NEU4: variants seen among roughly 807,000 people sequenced by gnomAD.
NEU4 encodes sialidase-4.
Under a neutral mutation model 9.9 loss-of-function variants are expected in NEU4, and 7 were observed. That is an observed-to-expected ratio of 0.71 (90% CI 0.40 to 1.33). NEU4 has a LOEUF of 1.33. Among genes scored for constraint, NEU4 ranks in the 40% most tolerant of loss-of-function variants. The probability of loss-of-function intolerance (pLI) is 0.01; values close to 1 mark genes in which losing one functional copy is unlikely to be tolerated. For synonymous variants in NEU4, 348 were observed against 316.9 expected (o/e 1.10, Z -1.04); for missense variants, 717 against 712.6 (o/e 1.01, Z -0.07).
At position 241,811,656 on chromosome 2, in the gene NEU4, G is replaced by T. The variant is rs910768054; in HGVS notation, c.-4+2382G>T. 14 of 421,118 alleles carry T rather than the reference G, an allele frequency of 3.3e-5. 1 individual carries two copies. Among genetic ancestry groups the T allele is most frequent in the Non-Finnish European group, 4.5e-5 (11 of 242,312 alleles). The allele number at this position is 421,118 out of a possible 1,614,324, so 26.1% of individuals were successfully genotyped here. ...GGGGCGGGCTGCAGGGATTCCGAGG[G>T]CCCCTCCAGCAAGAGGTCCCACATG... On this transcript the variant is annotated intron_variant, in intron 1 of 3. Transcript: ENST00000407683.
rs1159566474 is a variant in NEU4, at chr2:241,817,253, A to G, written c.*205A>G. The G allele has an allele frequency of 2.0e-5, 5 of 246,462 alleles. No homozygotes were observed. Among genetic ancestry groups the G allele is most frequent in the Non-Finnish European group, 3.9e-5 (5 of 129,256 alleles). 15.3% of individuals were successfully genotyped at this position (246,462 alleles called of 1,614,324 possible). A position where few individuals can be genotyped will look rare whatever the true frequency, so the allele number is the denominator to read the frequency against. On this transcript the variant is annotated 3_prime_UTR_variant, in exon 4 of 4. Coordinates refer to ENST00000407683, the MANE Select transcript of NEU4 (RefSeq NM_001167600.3). ...GGAGTGAGCAGGGCAGGGTGGGGGC[A>G]GGGTGGGGGCACGAAGTGGGCCCTG...
chr2:241,814,545 A>G lies in NEU4; in HGVS notation c.61A>G (p.Thr21Ala). The G allele has an allele frequency of 6.2e-7, 1 of 1,612,578 alleles. No individual in the cohort carries two copies. Among genetic ancestry groups the G allele is most frequent in the Non-Finnish European group, 8.5e-7 (1 of 1,179,898 alleles). Residue 21 changes from threonine (T) to alanine (A), a missense_variant, in exon 2 of 4, where the codon ACC (threonine) becomes GCC (alanine). Transcript: ENST00000407683. ...CTTCGAGCGGGAGAGGACGGGCCTG[A>G]CCTACCGCGTGCCCTCGCTGCTCCC... ...VLFERERTGL[T>A]YRVPSLLPVP...
At chr2:241,815,240 C>A in intron 3 of NEU4, 93 bp downstream of exon 3, 1 of 1,406,062 alleles carries the variant, frequency 7.1e-7, no homozygotes, top group Non-Finnish European at 9.4e-7. Context: ...TCTGCCCCAC[C>A]CCTGTCTCCA....
intron 1 of NEU4, chr2:241,812,090 TGCGTGG>T (rs1700135087): frequency 6.8e-6 from 1 of 146,362 alleles, no homozygotes; most frequent in Non-Finnish European, 1.5e-5. Flanking sequence ...CCAGAGGGTG[TGCGTGG>T]ACCCCAGAGG....
At chr2:241,812,604 C>G (rs1251936724) in intron 1 of NEU4, among the ~76,000 whole-genome samples, 201 of 104,284 alleles carry the variant, frequency 1.9e-3, no homozygotes, top group African/African-American at 6.4e-3. Context: ...ACAGAGGGAC[C>G]TCCTGAGGAC....
chr2:241,816,318 G>A lies in NEU4; in HGVS notation c.725G>A (p.Arg242Gln), dbSNP rs758387179. The change falls in exon 4 of 4, where the codon CGG becomes CAG. Residue 242 changes from arginine to glutamine, a missense_variant. Transcript: ENST00000407683. The stretch of plus-strand genomic sequence containing the variant: ...GGCAGCTTCCTCTACTGCAATGCCC[G>A]GAGCCCACTGGGCAGCCGTGTGCAG... ...QAGSFLYCNA[R>Q]SPLGSRVQAL... is the part of the protein sequence containing the mutation. 10 of 1,576,796 alleles carry A rather than the reference G, an allele frequency of 6.3e-6. No individual in the cohort carries two copies. Among genetic ancestry groups the A allele is most frequent in the Non-Finnish European group, 7.7e-6 (9 of 1,163,444 alleles).
rs2125219603 is a variant in NEU4, at chr2:241,816,649, G to C, written c.1056G>C (p.Gly352=). The part of the protein sequence containing the change: ...DGPRQPGPRP[G]VSGDVGSWTL... ...CCAGGCAGCCTGGCCCCAGGCCTGGGGTCAGTGGGGATGTGGGGTCCTGGA... is the reference window on the plus strand; with the variant it reads ...CCAGGCAGCCTGGCCCCAGGCCTGGCGTCAGTGGGGATGTGGGGTCCTGGA... Residue 352 remains glycine, a synonymous_variant, in exon 4 of 4, where the codon GGG becomes GGC. Coordinates refer to ENST00000407683, the MANE Select transcript of NEU4 (RefSeq NM_001167600.3). 1.9e-6 allele frequency: 3 copies of C among 1,540,800 alleles called. No individual in the cohort carries two copies. The highest frequency in any genetic ancestry group is 4.7e-5 in the East Asian group (2 of 42,940).
At chr2:241,815,956 ACCAG>A in intron 3 of NEU4, 91 bp from the exon 4 acceptor site, 3 of 1,270,566 alleles carry the variant, frequency 2.4e-6, no homozygotes, top group Non-Finnish European at 3.2e-6. Context: ...AACCCGAGGC[ACCAG>A]CCCCTCCTTC....
intron 1 of NEU4, chr2:241,810,688 G>A (rs1700085009): frequency 6.4e-6 from 1 of 156,592 alleles, no homozygotes; most frequent in South Asian, 2.0e-4. Context: ...ATGGCAGGCT[G>A]GGGGCAGGCC....
At chr2:241,811,494 T>C in intron 1 of NEU4, 2 of 1,500,274 alleles carry the variant, frequency 1.3e-6, no homozygotes, top group Non-Finnish European at 1.8e-6. Context: ...CCCAGCACCC[T>C]CACCCCTCTA....
chr2:241,811,512 G>T (rs766010145), intron 1 of NEU4: 14 of 1,439,982 alleles, frequency 9.7e-6, no homozygotes, highest in Non-Finnish European at 1.3e-5. Flanking sequence ...CTACCCGGGC[G>T]CCCGGGGTCA....
intron 1 of NEU4, chr2:241,814,046 C>T (rs1254472659): frequency 6.8e-6 from 3 of 438,956 alleles, no homozygotes; most frequent in Non-Finnish European, 1.4e-5. Context: ...TCTGGGGACA[C>T]TGAGCTCCTC....
chr2:241,809,241 T>A lies in NEU4; in HGVS notation c.-37T>A, dbSNP rs933827684. 1 of 1,288,948 alleles carries A rather than the reference T, an allele frequency of 7.8e-7. No individual in the cohort carries two copies. Among genetic ancestry groups the A allele is most frequent in the African/African-American group, 1.5e-5 (1 of 65,862 alleles). The allele number at this position is 1,288,948 out of a possible 1,614,324, so 79.8% of individuals were successfully genotyped here. A position where few individuals can be genotyped will look rare whatever the true frequency, so the allele number is the denominator to read the frequency against. ...ACAGGAGGGGCACACCGTCCTTTTGTCTCTGCCTTTGAGGTTGGCGGGAAC... is the reference window on the plus strand; with the variant it reads ...ACAGGAGGGGCACACCGTCCTTTTGACTCTGCCTTTGAGGTTGGCGGGAAC... On this transcript the variant is annotated 5_prime_UTR_variant, in exon 1 of 4. Coordinates refer to ENST00000407683, the MANE Select transcript of NEU4 (RefSeq NM_001167600.3).
chr2:241,815,941 GTCC>G (rs1414535952), intron 3 of NEU4, 107 bp from the exon 4 acceptor site: 2 of 1,117,820 alleles, frequency 1.8e-6, no homozygotes, highest in African/African-American at 3.1e-5. Context: ...GAGTGCGATG[GTCC>G]TAACCCGAGG....
At position 241,816,406 on chromosome 2, in the gene NEU4, G is replaced by T. The variant is rs747287655; in HGVS notation, c.813G>T (p.Glu271Asp). 1.2e-6 allele frequency: 2 copies of T among 1,604,296 alleles called. No homozygotes were observed. The highest frequency in any genetic ancestry group is 2.2e-5 in the South Asian group (2 of 90,026). Residue 271 changes from glutamate (E) to aspartate (D), a missense_variant, in exon 4 of 4, where the codon GAG becomes GAT. Coordinates refer to ENST00000407683, the MANE Select transcript of NEU4 (RefSeq NM_001167600.3). ...CAGAGCGCGTGGCTTCCCTGCCCGA[G>T]ACTGCCTGGGGCTGCCAGGGCAGCA... ...LPAERVASLP[E>D]TAWGCQGSIV...
At position 241,810,649 on chromosome 2, in the gene NEU4, G is replaced by A. The variant is rs982434557; in HGVS notation, c.-4+1375G>A. 5.2e-5 allele frequency: 8 copies of A among 154,026 alleles called. No individual in the cohort carries two copies. The Admixed American group carries it at 5.2e-4, about 10-fold the overall frequency. The allele number at this position is 154,026 out of a possible 1,614,324, so 9.5% of individuals were successfully genotyped here. ...ATTCTGGCCTGGGCAGTGGTCATTT[G>A]AGCATTGGTTACCAAGGCTGCCTCT... is the stretch of plus-strand genomic sequence containing the variant. On this transcript the variant is annotated intron_variant, in intron 1 of 3. Transcript: ENST00000407683.
chr2:241,812,530 T>TAACTGGGGCTGGCCTCC (rs1700161869), intron 1 of NEU4, among the ~76,000 whole-genome samples: 2 of 66,876 alleles, frequency 3.0e-5, no homozygotes, highest in Non-Finnish European at 7.4e-5. Flanking sequence ...CTGGTCACAC[T>TAACTGGGGCTGGCCTCC]GAGGACACGG....
chr2:241,814,443 G>C (rs750958252), intron 1 of NEU4, 39 bp from the exon 2 acceptor site: 4 of 1,585,210 alleles, frequency 2.5e-6, no homozygotes, highest in Admixed American at 1.7e-5. Context: ...GGCTCCCTGG[G>C]CCTGTCTTGC....
intron 1 of NEU4, among the ~76,000 whole-genome samples, chr2:241,809,531 G>A (rs985589532): frequency 5.3e-5 from 8 of 152,308 alleles, no homozygotes; most frequent in African/African-American, 1.7e-4. Context: ...TCACGAAGAC[G>A]GTTAAGGAAA....
Sources: allele counts gnomAD v4.1 joint callset (sites outside exome capture counted in the v4.1 genomes callset), GRCh38; gene constraint gnomAD v4.1.1; transcripts MANE v1.5; gene names NCBI Gene and HGNC (gene_info 2026-07-23, HGNC 2026-07-21).